Variants in CDK18 observed in about 807,000 individuals in gnomAD.
The protein encoded by CDK18 is cyclin-dependent kinase 18.
In CDK18, 52 loss-of-function variants were observed where a neutral mutation model predicts 62.0. The observed-to-expected ratio is 0.84, with a 90% CI of 0.67 to 1.06. The LOEUF is 1.06. Among genes scored for constraint, CDK18 ranks in the 50% least tolerant of loss-of-function variants. The probability of loss-of-function intolerance (pLI) is 0.00; values close to 1 mark genes in which losing one functional copy is unlikely to be tolerated. For missense variants in CDK18, 604 were observed against 619.9 expected (o/e 0.97, Z 0.27); for synonymous variants, 237 against 247.0 (o/e 0.96, Z 0.38).
At position 205,523,684 on chromosome 1, in the gene CDK18, A is replaced by T. The variant is rs765308702; in HGVS notation, c.273+59A>T. 33 of 1,511,774 alleles carry T rather than the reference A, an allele frequency of 2.2e-5. No individual in the cohort carries two copies. The African/African-American group carries it at 4.3e-4, about 20-fold the overall frequency. 93.6% of individuals were successfully genotyped at this position (1,511,774 alleles called of 1,614,324 possible). On this transcript the variant is annotated intron_variant, in intron 3 of 15. Coordinates refer to ENST00000429964, the MANE Select transcript of CDK18 (RefSeq NM_212502.3). ...GCAGGATGCACGCACAAGGGTGTGC[A>T]CAGGAGGGCAGCTGCCTTACAGCCA...
chr1:205,520,715 A>G lies in CDK18; in HGVS notation c.-21-2432A>G, dbSNP rs552085132. 3.6e-3 allele frequency among the ~76,000 whole-genome samples: 535 copies of G among 149,738 alleles called. 5 individuals are homozygous for G. Among genetic ancestry groups the G allele is most frequent in the African/African-American group, 0.013 (512 of 40,868 alleles). ...ACTCTATCTCAAAAAAAAAAAAAAG[A>G]AAAAAGGAAAAAAGAAAATAATTGA... On this transcript the variant is annotated intron_variant, in intron 1 of 15. Coordinates refer to ENST00000429964, the MANE Select transcript of CDK18 (RefSeq NM_212502.3).
intron 1 of CDK18, 57 bp from the exon 2 acceptor site, chr1:205,523,090 G>T: frequency 6.5e-7 from 1 of 1,536,388 alleles, no homozygotes. Context: ...AGTGGGTGGA[G>T]ACCTGGACTG....
chr1:205,521,375 C>T (rs1668119590), intron 1 of CDK18, among the ~76,000 whole-genome samples: 1 of 152,212 alleles, frequency 6.6e-6, no homozygotes, highest in Admixed American at 6.5e-5. Context: ...CCATGCCCAG[C>T]TAATTTTTTT....
In CDK18 at chr1:205,529,062, C is replaced by A; in HGVS notation, c.1038C>A (p.Val346=). ...TGRPLFPGST[V]KEELHLIFRL... The stretch of plus-strand genomic sequence containing the variant: ...GGCCCCTCTTCCCGGGCTCCACAGT[C>A]AAGGAGGAGCTGCACCTCATCTTTC... Residue 346 remains valine, a synonymous_variant, in exon 11 of 16, where the codon GTC becomes GTA. Transcript: ENST00000429964. The A allele has an allele frequency of 6.3e-7, 1 of 1,593,746 alleles. No homozygotes were observed. Among genetic ancestry groups the A allele is most frequent in the Non-Finnish European group, 8.5e-7 (1 of 1,170,568 alleles).
chr1:205,529,488 G>T, intron 12 of CDK18, 33 bp from the exon 13 acceptor site: 1 of 1,610,038 alleles, frequency 6.2e-7, no homozygotes, highest in Non-Finnish European at 8.5e-7. Flanking sequence ...TCCCCAATCA[G>T]GCACAGCCTG....
At chr1:205,515,031 G>A (rs538201688) in intron 1 of CDK18, among the ~76,000 whole-genome samples, 7 of 152,264 alleles carry the variant, frequency 4.6e-5, no homozygotes, top group African/African-American at 1.7e-4. Flanking sequence ...AGTTTGCTCT[G>A]GGAATGCCAG....
chr1:205,507,075 G>A (rs570784167), intron 1 of CDK18, among the ~76,000 whole-genome samples: 12 of 152,280 alleles, frequency 7.9e-5, no homozygotes, highest in South Asian at 6.2e-4. Flanking sequence ...GACTCTTCCC[G>A]GTTCCTACCC....
At chr1:205,508,229 C>T (rs1667404237) in intron 1 of CDK18, among the ~76,000 whole-genome samples, 1 of 152,240 alleles carries the variant, frequency 6.6e-6, no homozygotes, top group African/African-American at 2.4e-5. Context: ...CTGGACTTTT[C>T]ACCTTTGCCC....
intron 15 of CDK18, 58 bp downstream of exon 15, chr1:205,530,763 A>C (rs1575082680): frequency 7.0e-7 from 1 of 1,436,362 alleles, no homozygotes; most frequent in East Asian, 2.3e-5. Flanking sequence ...AGAGCAGGCG[A>C]CCCCTCCCCA....
chr1:205,519,574 C>T (rs982275417), intron 1 of CDK18, among the ~76,000 whole-genome samples: 3 of 152,188 alleles, frequency 2.0e-5, no homozygotes, highest in African/African-American at 7.2e-5. Flanking sequence ...CTCTCAGGCT[C>T]CTGTCCTGCG....
chr1:205,528,804 A>T lies in CDK18; in HGVS notation c.975-195A>T. 1 of 470,268 alleles carries T rather than the reference A, an allele frequency of 2.1e-6. No homozygotes were observed. The highest frequency in any genetic ancestry group is 3.8e-6 in the Non-Finnish European group (1 of 265,102). 29.1% of individuals were successfully genotyped at this position (470,268 alleles called of 1,614,324 possible). On this transcript the variant is annotated intron_variant, in intron 10 of 15. Transcript: ENST00000429964. The surrounding 1 kb of genome is among the most constrained non-coding windows in gnomAD (Gnocchi z 4.2). ...AGTCGCAGCTTTCCCGAGCCCAGGG[A>T]AGCCCCCCAGAGAGGGGCTGTAGTG... is the stretch of plus-strand genomic sequence containing the variant.
At position 205,531,639 on chromosome 1, in the gene CDK18, G is replaced by GA. The variant is rs3838999; in HGVS notation, c.*261_*262insA. On this transcript the variant is annotated 3_prime_UTR_variant, in exon 16 of 16. Transcript: ENST00000429964. Reference sequence around the variant, plus strand: ...AAGCTGCTTCCCTGAGAGGACATGAGGGGGGGGCGGTCCTCGTACCCTCTC... The same window carrying GA: ...AAGCTGCTTCCCTGAGAGGACATGAGAGGGGGGGCGGTCCTCGTACCCTCTC... 0.036 allele frequency: 16,933 copies of GA among 476,466 alleles called. 415 individuals are homozygous for GA. Among genetic ancestry groups the GA allele is most frequent in the Admixed American group, 0.075 (2,141 of 28,380 alleles). The allele number at this position is 476,466 out of a possible 1,614,324, so 29.5% of individuals were successfully genotyped here.
At position 205,523,588 on chromosome 1, in the gene CDK18, TC is replaced by T; in HGVS notation, c.238del (p.Gln80SerfsTer66). 6.3e-7 allele frequency: 1 copy of T among 1,589,496 alleles called. No individual in the cohort carries two copies. The highest frequency in any genetic ancestry group is 8.6e-7 in the Non-Finnish European group (1 of 1,168,280). ...EPGQLSPGVQ[F>X]QRRQNQRRFS... Reference sequence around the variant, plus strand: ...GGGCAGCTCTCCCCTGGCGTGCAGTTCCAGCGGCGGCAGAACCAGCGCCGCT... The same window carrying T: ...GGGCAGCTCTCCCCTGGCGTGCAGTTCAGCGGCGGCAGAACCAGCGCCGCT... On this transcript the variant is annotated frameshift_variant, in exon 3 of 16. Transcript: ENST00000429964. LOFTEE classifies it high-confidence loss of function.
rs1667802647 is a variant in CDK18, at chr1:205,516,066, C to G, written c.-21-7081C>G. Among the ~76,000 whole-genome samples, 1 of 152,158 alleles carries G rather than the reference C, an allele frequency of 6.6e-6. No homozygotes were observed. Among genetic ancestry groups the G allele is most frequent in the Non-Finnish European group, 1.5e-5 (1 of 68,028 alleles). ...TTCTGCTGCTGACGCCGCCACAGCT[C>G]CAGGCAGCTAAGGGGTGACTGGCTT... On this transcript the variant is annotated intron_variant, in intron 1 of 15. Transcript: ENST00000429964. This position sits in a 1 kb window ranked among gnomAD's most constrained non-coding sequence, Gnocchi z 4.8.
Position 205,528,102 on chromosome 1 carries a change from C to A in CDK18, c.908C>A (p.Thr303Asn). 4.3e-6 allele frequency: 7 copies of A among 1,614,122 alleles called. No homozygotes were observed. The highest frequency in any genetic ancestry group is 5.9e-6 in the Non-Finnish European group (7 of 1,180,010). Residue 303 changes from threonine (T) to asparagine (N), a missense_variant, in exon 10 of 16, where the codon ACC (threonine) becomes AAC (asparagine). Physicochemically the swap from Thr to Asn is moderately conservative, Grantham distance 65. Coordinates refer to ENST00000429964, the MANE Select transcript of CDK18 (RefSeq NM_212502.3). This position sits in a 1 kb window ranked among gnomAD's most constrained non-coding sequence, Gnocchi z 4.2. ...AAGACTTACTCCAATGAGGTGGTGA[C>A]CCTGTGGTACAGGCCCCCCGATGTG... ...PTKTYSNEVVTLWYRPPDVLL... is the reference protein window; with the variant it reads ...PTKTYSNEVVNLWYRPPDVLL...
intron 1 of CDK18, among the ~76,000 whole-genome samples, chr1:205,505,694 A>G (rs936431997): frequency 6.6e-6 from 1 of 152,132 alleles, no homozygotes; most frequent in African/African-American, 2.4e-5. Context: ...AGGTGTCTGC[A>G]GACCTTGTGC....
At chr1:205,530,764 C>G (rs1272321737) in intron 15 of CDK18, 59 bp downstream of exon 15, 2 of 1,436,342 alleles carry the variant, frequency 1.4e-6, no homozygotes, top group East Asian at 4.6e-5. Flanking sequence ...GAGCAGGCGA[C>G]CCCTCCCCAG....
At chr1:205,513,427 G>A (rs1347760365) in intron 1 of CDK18, among the ~76,000 whole-genome samples, 1 of 152,212 alleles carries the variant, frequency 6.6e-6, no homozygotes, top group East Asian at 1.9e-4. Context: ...GACATCCTGA[G>A]CCTCCTCAGA....
chr1:205,526,056 C>A lies in CDK18; in HGVS notation c.457-9C>A. 1.2e-6 allele frequency: 2 copies of A among 1,601,538 alleles called. No homozygotes were observed. The highest frequency in any genetic ancestry group is 2.2e-5 in the South Asian group (2 of 89,786). The stretch of plus-strand genomic sequence containing the variant: ...ATGCGCCTGGGGCCGCTGTGGCCCT[C>A]CATCCCAGGGCACCTATGCCACAGT... On this transcript the variant is annotated splice_polypyrimidine_tract_variant and intron_variant, in intron 5 of 15. Coordinates refer to ENST00000429964, the MANE Select transcript of CDK18 (RefSeq NM_212502.3).
Sources: gnomAD v4.1 joint callset for allele counts (sites outside exome capture counted in the v4.1 genomes callset) on GRCh38, gnomAD v4.1.1 for gene constraint, Gnocchi (gnomAD v3.1) non-coding constraint, MANE v1.5 for transcripts, NCBI Gene and HGNC (gene_info 2026-07-23, HGNC 2026-07-21) for gene names.